Variants in PTPRT observed in about 807,000 individuals in gnomAD.
The protein encoded by PTPRT is receptor-type tyrosine-protein phosphatase T.
Under a neutral mutation model 176.8 loss-of-function variants are expected in PTPRT, and 56 were observed. That is an observed-to-expected ratio of 0.32 (90% CI 0.26 to 0.40). PTPRT has a LOEUF of 0.40. PTPRT is among the 10% of genes least tolerant of loss of function. The pLI, the probability that PTPRT is intolerant of heterozygous loss-of-function variation, is 1.00. For synonymous variants in PTPRT, 783 were observed against 739.0 expected, an observed-to-expected ratio of 1.06 and a Z score of -0.96; for missense variants, 1,540 against 1,908.2, an observed-to-expected ratio of 0.81 and a Z score of 3.60.
At chr20:42,889,374 T>A (rs977648095) in intron 1 of PTPRT, among the ~76,000 whole-genome samples, 4 of 152,230 alleles carry the variant, frequency 2.6e-5, no homozygotes, top group Non-Finnish European at 5.9e-5. Context: ...TCTCTTTGCC[T>A]CTGCAGAAGA....
At chr20:43,098,072 C>A (rs1466772174) in intron 1 of PTPRT, among the ~76,000 whole-genome samples, 1 of 152,174 alleles carries the variant, frequency 6.6e-6, no homozygotes, top group Non-Finnish European at 1.5e-5. Context: ...CACCAAGGTC[C>A]CTCCAGAACT....
intron 9 of PTPRT, among the ~76,000 whole-genome samples, chr20:42,377,459 T>C (rs568176007): frequency 2.8e-4 from 43 of 152,334 alleles, no homozygotes; most frequent in Middle Eastern, 3.4e-3. Context: ...AGCTTTAACT[T>C]ACGACCAAAC....
intron 1 of PTPRT, among the ~76,000 whole-genome samples, chr20:43,073,515 T>C (rs1045884123): frequency 6.6e-6 from 1 of 151,658 alleles, no homozygotes; most frequent in South Asian, 2.1e-4. Flanking sequence ...CACACGTGTG[T>C]ATATATATAC....
At chr20:42,698,548 T>C (rs934782592) in intron 6 of PTPRT, among the ~76,000 whole-genome samples, 3 of 152,234 alleles carry the variant, frequency 2.0e-5, no homozygotes, top group African/African-American at 7.2e-5. Context: ...CAAACTTGGC[T>C]GCACATTAGA....
chr20:42,427,954 T>A (rs1268379325), intron 9 of PTPRT, among the ~76,000 whole-genome samples: 2 of 152,178 alleles, frequency 1.3e-5, no homozygotes, highest in Admixed American at 1.3e-4. Context: ...TTCCATTACC[T>A]TCCCAAATCC....
chr20:42,424,845 G>GTAGGA (rs1793550098), intron 9 of PTPRT, among the ~76,000 whole-genome samples: 1 of 150,030 alleles, frequency 6.7e-6, no homozygotes, highest in Non-Finnish European at 1.5e-5. Context: ...AAGGTATTAT[G>GTAGGA]TAGGGAGATG....
chr20:43,081,943 A>T (rs185346791), intron 1 of PTPRT, among the ~76,000 whole-genome samples: 113 of 152,222 alleles, frequency 7.4e-4, no homozygotes, highest in Admixed American at 2.2e-3. Context: ...GTTGTTGGTT[A>T]TGTTTTTGTC....
At chr20:42,479,964 C>T (rs888424143) in intron 7 of PTPRT, among the ~76,000 whole-genome samples, 18 of 152,196 alleles carry the variant, frequency 1.2e-4, no homozygotes, top group Non-Finnish European at 4.4e-5. Flanking sequence ...AGATCCTACC[C>T]GTGCTGATGA....
chr20:42,976,413 T>A (rs562313975), intron 1 of PTPRT, among the ~76,000 whole-genome samples: 9 of 152,148 alleles, frequency 5.9e-5, no homozygotes, highest in South Asian at 2.1e-4. Flanking sequence ...ATTTATTTTT[T>A]TTTTTTTATT....
At chr20:42,325,932 TC>T (rs1273894401) in intron 11 of PTPRT, among the ~76,000 whole-genome samples, 1 of 152,174 alleles carries the variant, frequency 6.6e-6, no homozygotes, top group Non-Finnish European at 1.5e-5. Context: ...GCTCTCGCTA[TC>T]CCCTTCCTTG....
intron 9 of PTPRT, among the ~76,000 whole-genome samples, chr20:42,440,225 A>T (rs1023230989): frequency 6.6e-6 from 1 of 151,946 alleles, no homozygotes; most frequent in Non-Finnish European, 1.5e-5. Flanking sequence ...TTATTTTTTC[A>T]GATCAGTTTT....
intron 7 of PTPRT, among the ~76,000 whole-genome samples, chr20:42,520,699 T>C (rs1366004826): frequency 2.6e-5 from 4 of 152,000 alleles, no homozygotes; most frequent in South Asian, 4.1e-4. Flanking sequence ...GTTCCTTTTA[T>C]GGGAGATGGT....
intron 7 of PTPRT, among the ~76,000 whole-genome samples, chr20:42,637,513 G>C (rs2074631929): frequency 6.6e-6 from 1 of 152,224 alleles, no homozygotes; most frequent in South Asian, 2.1e-4. Flanking sequence ...TCTTCAAAGG[G>C]CTTGCTATCT....
At chr20:42,580,743 C>T (rs989012921) in intron 7 of PTPRT, among the ~76,000 whole-genome samples, 4 of 152,110 alleles carry the variant, frequency 2.6e-5, no homozygotes, top group South Asian at 2.1e-4. Flanking sequence ...GGGATTTTTG[C>T]CCATTGATTT....
intron 1 of PTPRT, among the ~76,000 whole-genome samples, chr20:43,025,638 T>C (rs1985878938): frequency 6.6e-6 from 1 of 152,152 alleles, no homozygotes; most frequent in Non-Finnish European, 1.5e-5. Flanking sequence ...TTTTTAGAGA[T>C]CTCTAATCAT....
chr20:42,063,231 G>C, the PTPRT span, among the ~76,000 whole-genome samples: 4 of 152,168 alleles, frequency 2.6e-5, no homozygotes, highest in African/African-American at 9.7e-5. Context: ...CTGTCAAGCA[G>C]GACATGAGCT....
intron 23 of PTPRT, 22 bp downstream of exon 23, chr20:42,110,311 A>T (rs1937541029): frequency 1.3e-6 from 2 of 1,574,276 alleles, no homozygotes; most frequent in African/African-American, 2.7e-5. Context: ...CGGCCTCCCA[A>T]GGTGAAGGAC....
chr20:42,986,598 C>T (rs540525461), intron 1 of PTPRT, among the ~76,000 whole-genome samples: 1 of 152,162 alleles, frequency 6.6e-6, no homozygotes, highest in Non-Finnish European at 1.5e-5. Flanking sequence ...ACTAGAGATT[C>T]CTAGCTCATG....
At chr20:42,682,208 G>A (rs987576527) in intron 6 of PTPRT, among the ~76,000 whole-genome samples, 10 of 152,102 alleles carry the variant, frequency 6.6e-5, no homozygotes, top group Non-Finnish European at 1.2e-4. Flanking sequence ...CTTAACTGGG[G>A]TTATGTAAAA....
Sources: allele counts gnomAD v4.1 joint callset (sites outside exome capture counted in the v4.1 genomes callset), GRCh38; gene constraint gnomAD v4.1.1; transcripts MANE v1.5; gene names NCBI Gene and HGNC (gene_info 2026-07-23, HGNC 2026-07-21).